The following FCHSD2 variants were observed in gnomAD, a reference collection of about 807,000 sequenced individuals.
FCHSD2 encodes the protein FCH and double SH3 domains 2.
FCHSD2 carries 38 observed loss-of-function variants against 108.1 expected under a neutral mutation model. The ratio of observed to expected loss-of-function variants is 0.35; its 90% CI spans 0.27 to 0.46. The LOEUF is 0.46. Ranked by LOEUF, FCHSD2 falls within the 20% of genes least tolerant of loss-of-function variation. The probability of loss-of-function intolerance (pLI) is 1.00; values close to 1 mark genes in which losing one functional copy is unlikely to be tolerated. For missense variants in FCHSD2, 751 were observed against 897.8 expected (o/e 0.84, Z 2.09); for synonymous variants, 279 against 314.7 (o/e 0.89, Z 1.20).
intron 3 of FCHSD2, among the ~76,000 whole-genome samples, chr11:73,030,193 T>C (rs1262592445): frequency 6.6e-6 from 1 of 152,204 alleles, no homozygotes; most frequent in African/African-American, 2.4e-5. Context: ...TTAGTTCCTA[T>C]GTATATGTAT....
intron 6 of FCHSD2, among the ~76,000 whole-genome samples, chr11:72,986,874 CTACTCTT>C (rs1277894609): frequency 6.6e-6 from 1 of 152,154 alleles, no homozygotes; most frequent in East Asian, 1.9e-4. Context: ...ATACCGCGTG[CTACTCTT>C]TACCACCTAC....
At chr11:73,059,295 C>T (rs1859106931) in intron 3 of FCHSD2, among the ~76,000 whole-genome samples, 1 of 151,612 alleles carries the variant, frequency 6.6e-6, no homozygotes. Context: ...TTTTTAACCC[C>T]CATACCAGAA....
intron 2 of FCHSD2, among the ~76,000 whole-genome samples, chr11:73,088,704 C>A (rs973397969): frequency 4.6e-5 from 7 of 152,086 alleles, no homozygotes; most frequent in Non-Finnish European, 1.0e-4. Context: ...TTATGACCAG[C>A]ACTACCAAAT....
At chr11:73,001,644 T>G (rs1396880439) in intron 4 of FCHSD2, among the ~76,000 whole-genome samples, 3 of 152,242 alleles carry the variant, frequency 2.0e-5, no homozygotes, top group Non-Finnish European at 2.9e-5. Context: ...GACATCATTT[T>G]ACTCTTATAT....
rs927172693 is a variant in FCHSD2 at position 72,842,666 on chromosome 11, A to C, written c.1881T>G (p.Leu627=). ...GAGTGTCACCATTTTCTGAGGCTGA[A>C]AGTTCTTCCACTAGCACCGATGGGA... ...GVFPSVLVEE[L]SASENGDTPW... Residue 627 remains leucine, a synonymous_variant, in exon 17 of 20, where the codon CTT becomes CTG. Transcript: ENST00000409418. 1 of 1,613,888 alleles carries C rather than the reference A, an allele frequency of 6.2e-7. No individual in the cohort carries two copies. The highest frequency in any genetic ancestry group is 1.3e-5 in the African/African-American group (1 of 74,910).
At chr11:73,015,247 T>C (rs7939736) in intron 4 of FCHSD2, among the ~76,000 whole-genome samples, 3,752 of 152,352 alleles carry the variant, frequency 0.025, 149 homozygotes, top group African/African-American at 0.086. Context: ...ACAATTCGTA[T>C]GTGGGATATT....
chr11:72,873,884 T>G (rs1220488453), intron 12 of FCHSD2, among the ~76,000 whole-genome samples: 1 of 152,102 alleles, frequency 6.6e-6, no homozygotes, highest in African/African-American at 2.4e-5. Flanking sequence ...GCTTAACCAA[T>G]CAAAAACTGC....
At chr11:73,080,625 A>G (rs755537663) in intron 3 of FCHSD2, among the ~76,000 whole-genome samples, 2 of 152,158 alleles carry the variant, frequency 1.3e-5, no homozygotes, top group Non-Finnish European at 2.9e-5. Context: ...AGAATTGACA[A>G]AGAGTGAGTT....
chr11:72,994,751 G>A lies in FCHSD2; in HGVS notation c.388-5654C>T, dbSNP rs184909189. On this transcript the variant is annotated intron_variant, in intron 5 of 19. Transcript: ENST00000409418. ...ACTGCACTCCAGCCTGGGTGACAGA[G>A]CGAGACTCCATCTCAAAAAACAAAA... Among the ~76,000 whole-genome samples, 5 of 152,162 alleles carry A rather than the reference G, an allele frequency of 3.3e-5. No individual in the cohort carries two copies. The East Asian group carries it at 9.6e-4, about 29-fold the overall frequency.
intron 3 of FCHSD2, among the ~76,000 whole-genome samples, chr11:73,033,287 CAA>C (rs34802040): frequency 6.1e-5 from 7 of 114,092 alleles, no homozygotes; most frequent in Admixed American, 9.2e-5. Flanking sequence ...GATTCCGACT[CAA>C]AAAAAAAAAA....
chr11:72,901,592 C>T (rs1388760639), intron 10 of FCHSD2, among the ~76,000 whole-genome samples: 1 of 151,888 alleles, frequency 6.6e-6, no homozygotes, highest in Non-Finnish European at 1.5e-5. Flanking sequence ...TATGACAGTG[C>T]ACAGCACTGG....
At chr11:72,932,006 C>T (rs1856203541) in intron 8 of FCHSD2, among the ~76,000 whole-genome samples, 1 of 152,190 alleles carries the variant, frequency 6.6e-6, no homozygotes, top group African/African-American at 2.4e-5. Context: ...ATCAAATTGC[C>T]TCTTAGACTG....
chr11:73,053,750 G>C (rs1565387163), intron 3 of FCHSD2, among the ~76,000 whole-genome samples: 1 of 152,138 alleles, frequency 6.6e-6, no homozygotes, highest in African/African-American at 2.4e-5. Context: ...TGTTTAGTTA[G>C]TATTACAGAA....
chr11:72,894,740 G>C (rs1855384835), intron 10 of FCHSD2, among the ~76,000 whole-genome samples: 1 of 152,018 alleles, frequency 6.6e-6, no homozygotes, highest in Non-Finnish European at 1.5e-5. Context: ...GTATTTTTTG[G>C]TAAGTTTGGA....
chr11:73,083,514 A>T (rs991555813), intron 3 of FCHSD2, among the ~76,000 whole-genome samples, 181 bp downstream of exon 3: 3 of 151,660 alleles, frequency 2.0e-5, no homozygotes, highest in Admixed American at 2.0e-4. Flanking sequence ...GCGCCACTGT[A>T]CTCCAGCCTC....
intron 8 of FCHSD2, among the ~76,000 whole-genome samples, chr11:72,936,898 C>A (rs1219766017): frequency 6.6e-6 from 1 of 152,158 alleles, no homozygotes; most frequent in African/African-American, 2.4e-5. Flanking sequence ...GATTTAAAAT[C>A]TTTGTCTAGT....
intron 8 of FCHSD2, among the ~76,000 whole-genome samples, chr11:72,933,383 T>G (rs1348283623): frequency 2.0e-5 from 3 of 152,172 alleles, no homozygotes; most frequent in Non-Finnish European, 4.4e-5. Flanking sequence ...TTTGGCAAAG[T>G]GAAGATGGGA....
At chr11:72,906,536 T>C (rs983959113) in intron 9 of FCHSD2, among the ~76,000 whole-genome samples, 6 of 152,220 alleles carry the variant, frequency 3.9e-5, no homozygotes, top group Non-Finnish European at 8.8e-5. Flanking sequence ...CTAGGTTTTC[T>C]TCTAGGGTTT....
Position 72,955,907 on chromosome 11 carries a change from C to A in FCHSD2, c.705+28181G>T, listed in dbSNP as rs543702093. Among the ~76,000 whole-genome samples the A allele has an allele frequency of 1.2e-4, 18 of 152,234 alleles. No homozygotes were observed. In the South Asian group the frequency reaches 2.9e-3, roughly 25 times the overall value. On this transcript the variant is annotated intron_variant, in intron 8 of 19. Transcript: ENST00000409418. ...CATACATATATTTCCTAGTTCTGCC[C>A]ACTACGGACTCAAAGTAATAGCACA...
Sources: gnomAD v4.1 joint callset for allele counts (sites outside exome capture counted in the v4.1 genomes callset) on GRCh38, gnomAD v4.1.1 for gene constraint, MANE v1.5 for transcripts, NCBI Gene and HGNC (gene_info 2026-07-23, HGNC 2026-07-21) for gene names.